Variants in BHLHE41 observed in about 807,000 individuals in gnomAD.
BHLHE41 encodes basic helix-loop-helix family member e41.
In BHLHE41, 14 loss-of-function variants were observed where a neutral mutation model predicts 24.0. The ratio of observed to expected loss-of-function variants is 0.58; its 90% CI spans 0.39 to 0.91. The LOEUF is 0.91. Ranked by LOEUF, BHLHE41 falls within the 40% of genes least tolerant of loss-of-function variation. The pLI, the probability that BHLHE41 is intolerant of heterozygous loss-of-function variation, is 0.00. For missense variants in BHLHE41, 674 were observed against 655.4 expected, an observed-to-expected ratio of 1.03 and a Z score of -0.31; for synonymous variants, 394 against 315.5, an observed-to-expected ratio of 1.25 and a Z score of -2.64.
chr12:26,124,662 A>G (rs1454657920), intron 1 of BHLHE41, 56 bp downstream of exon 1: 5 of 1,613,062 alleles, frequency 3.1e-6, no homozygotes, highest in South Asian at 1.1e-5. Flanking sequence ...TTTCTGGAGA[A>G]GAAAAAAATC....
Position 26,122,316 on chromosome 12 carries a change from G to A in BHLHE41, c.1199C>T (p.Ala400Val). ...PGIPAPAAAA[A>V]AAAAAAAAAA... ...GGCGGCGGCAGCGGCGGCGGCGGCT[G>A]CCGCGGCTGCCGCCGGGGCGGGGAT... is the stretch of plus-strand genomic sequence containing the variant. Residue 400 changes from alanine to valine, a missense_variant, in exon 5 of 5, where the codon GCA becomes GTA. By Grantham distance (64) the Ala-to-Val change is moderately conservative (BLOSUM62 0). Transcript: ENST00000242728. 2 of 1,172,754 alleles carry A rather than the reference G, an allele frequency of 1.7e-6. No homozygotes were observed. The highest frequency in any genetic ancestry group is 3.3e-5 in the African/African-American group (2 of 61,280). 72.6% of individuals were successfully genotyped at this position (1,172,754 alleles called of 1,614,324 possible). A position where few individuals can be genotyped will look rare whatever the true frequency, so the allele number is the denominator to read the frequency against.
rs879725466 is a variant in BHLHE41 at position 26,122,138 on chromosome 12, C to A, written c.1377G>T (p.Gly459=). The change falls in exon 5 of 5, where the codon GGG becomes GGT. Residue 459 remains glycine, a synonymous_variant. Coordinates refer to ENST00000242728, the MANE Select transcript of BHLHE41 (RefSeq NM_030762.3). ...TCTCCGGGTTCCCCGGCTCGCGGGG[C>A]CCGGCGAAGGGCAGGTGGGTGCGGC... ...PHGRTHLPFA[G]PREPGNPESS... 6.5e-7 allele frequency: 1 copy of A among 1,548,732 alleles called. No individual in the cohort carries two copies. Among genetic ancestry groups the A allele is most frequent in the East Asian group, 2.5e-5 (1 of 40,792 alleles).
At chr12:26,123,596 A>C (rs1245017617) in intron 4 of BHLHE41, 34 bp downstream of exon 4, 1 of 1,487,980 alleles carries the variant, frequency 6.7e-7, no homozygotes. Context: ...GCCCCGCTTC[A>C]TCAGGGTAGG....
In BHLHE41 at chr12:26,122,100, TC is replaced by T; in HGVS notation, c.1414del (p.Glu472LysfsTer31). On this transcript the variant is annotated frameshift_variant, in exon 5 of 5. Transcript: ENST00000242728. LOFTEE classifies it high-confidence loss of function. The part of the protein sequence containing the change: ...EPGNPESSAQ[E>X]DPSQPGKEAP ...TTCCTTTCCTGGCTGCGAGGGATCT[TC>T]CTGAGCAGAGCTCTCCGGGTTCCCC... 6.5e-7 allele frequency: 1 copy of T among 1,549,532 alleles called. No individual in the cohort carries two copies. The highest frequency in any genetic ancestry group is 8.7e-7 in the Non-Finnish European group (1 of 1,146,464).
rs752085955 is a variant in BHLHE41 at position 26,123,024 on chromosome 12, T to A, written c.491A>T (p.Asn164Ile). 1 of 1,573,122 alleles carries A rather than the reference T, an allele frequency of 6.4e-7. No homozygotes were observed. Among genetic ancestry groups the A allele is most frequent in the Non-Finnish European group, 8.6e-7 (1 of 1,158,588 alleles). Reference sequence around the variant, plus strand: ...CTGGGTGGCCACGGCGTGCAAGTGGTTGATCAGCTGGACACACCGCGGCTC... The same window carrying A: ...CTGGGTGGCCACGGCGTGCAAGTGGATGATCAGCTGGACACACCGCGGCTC... ...PREPRCVQLI[N>I]HLHAVATQFL... The change falls in exon 5 of 5, where the codon AAC becomes ATC. Residue 164 changes from asparagine to isoleucine, a missense_variant. By Grantham distance (149) the Asn-to-Ile change is moderately radical. This residue lies in a region of BHLHE41 where 602 missense variants were observed against 570.8 expected (regional missense o/e 1.05). Coordinates refer to ENST00000242728, the MANE Select transcript of BHLHE41 (RefSeq NM_030762.3).
At position 26,125,031 on chromosome 12, in the gene BHLHE41, G is replaced by A; in HGVS notation, c.-252C>T. On this transcript the variant is annotated 5_prime_UTR_variant, in exon 1 of 5. Coordinates refer to ENST00000242728, the MANE Select transcript of BHLHE41 (RefSeq NM_030762.3). ...TGGTAGTTTGCTCTCACTCCAGGCAGTGTTTGGCCACAGGGCACGCGCGTC... is the reference window on the plus strand; with the variant it reads ...TGGTAGTTTGCTCTCACTCCAGGCAATGTTTGGCCACAGGGCACGCGCGTC... 1.7e-6 allele frequency: 1 copy of A among 583,784 alleles called. No homozygotes were observed. The highest frequency in any genetic ancestry group is 3.1e-6 in the Non-Finnish European group (1 of 321,992). The allele number at this position is 583,784 out of a possible 1,614,324, so 36.2% of individuals were successfully genotyped here. A position where few individuals can be genotyped will look rare whatever the true frequency, so the allele number is the denominator to read the frequency against.
rs76268917 is a variant in BHLHE41 at position 26,120,384 on chromosome 12, C to T, written c.*1682G>A. The T allele has an allele frequency of 0.04, 6,114 of 152,560 alleles. 177 individuals are homozygous for T. The highest frequency in any genetic ancestry group is 0.11 in the South Asian group (534 of 4,820). The allele number at this position is 152,560 out of a possible 1,614,324, so 9.5% of individuals were successfully genotyped here. A position where few individuals can be genotyped will look rare whatever the true frequency, so the allele number is the denominator to read the frequency against. ...AATATAAAGGTAATTTCTAGTTTATCGTCACATACTAAACTTTTCTAAACC... is the reference window on the plus strand; with the variant it reads ...AATATAAAGGTAATTTCTAGTTTATTGTCACATACTAAACTTTTCTAAACC... On this transcript the variant is annotated 3_prime_UTR_variant, in exon 5 of 5. Transcript: ENST00000242728.
rs1944314647 is a variant in BHLHE41, at chr12:26,122,285, GGCGGCGGCGGCGGCA to G, written c.1215_1229del (p.Ala407_Ala411del). ...ACACCGAGGACAGGCAGGGGAACGC[GGCGGCGGCGGCGGCA>G]GCGGCGGCGGCGGCTGCCGCGGCTG... On this transcript the variant is annotated inframe_deletion, in exon 5 of 5. Transcript: ENST00000242728. 6.1e-5 allele frequency: 71 copies of G among 1,167,598 alleles called. No homozygotes were observed. The highest frequency in any genetic ancestry group is 1.7e-4 in the South Asian group (4 of 23,660). The allele number at this position is 1,167,598 out of a possible 1,614,324, so 72.3% of individuals were successfully genotyped here. A position where few individuals can be genotyped will look rare whatever the true frequency, so the allele number is the denominator to read the frequency against.
chr12:26,123,370 C>G (rs1944332545), intron 4 of BHLHE41, among the ~76,000 whole-genome samples: 1 of 152,174 alleles, frequency 6.6e-6, no homozygotes, highest in Non-Finnish European at 1.5e-5. Context: ...AGGGCGCTCT[C>G]CTCCCAGCTG....
rs1224426736 is a variant in BHLHE41 at position 26,122,502 on chromosome 12, G to T, written c.1013C>A (p.Pro338Gln). ...GGGGGCCGCGGCGGCCGCGGGCTGCGGGAAGGGCGCGCCTCCGCCTCCGCC... is the reference window on the plus strand; with the variant it reads ...GGGGGCCGCGGCGGCCGCGGGCTGCTGGAAGGGCGCGCCTCCGCCTCCGCC... ...AFGGGGGAPF[P>Q]QPAAAAAPFC... Residue 338 changes from proline to glutamine, a missense_variant, in exon 5 of 5, where the codon CCG becomes CAG. Physicochemically the swap from Pro to Gln is moderately conservative, Grantham distance 76. Around this residue, in one of 3 missense-constraint regions of BHLHE41, gnomAD observed 602 missense variants for 570.8 expected, o/e 1.05. Transcript: ENST00000242728. The T allele has an allele frequency of 7.6e-7, 1 of 1,314,464 alleles. No homozygotes were observed. The highest frequency in any genetic ancestry group is 1.8e-5 in the South Asian group (1 of 55,984). 81.4% of individuals were successfully genotyped at this position (1,314,464 alleles called of 1,614,324 possible). A position where few individuals can be genotyped will look rare whatever the true frequency, so the allele number is the denominator to read the frequency against.
At position 26,120,740 on chromosome 12, in the gene BHLHE41, C is replaced by T. The variant is rs1025450077; in HGVS notation, c.*1326G>A. 5 of 152,668 alleles carry T rather than the reference C, an allele frequency of 3.3e-5. No individual in the cohort carries two copies. The highest frequency in any genetic ancestry group is 1.2e-4 in the African/African-American group (5 of 41,456). The allele number at this position is 152,668 out of a possible 1,614,324, so 9.5% of individuals were successfully genotyped here. On this transcript the variant is annotated 3_prime_UTR_variant, in exon 5 of 5. Coordinates refer to ENST00000242728, the MANE Select transcript of BHLHE41 (RefSeq NM_030762.3). ...CGAAAAGACCCAGATATTTTCCTCA[C>T]TCATAGTCAGACTGTTGTGTCTCAC...
intron 4 of BHLHE41, 39 bp downstream of exon 4, chr12:26,123,591 G>A (rs920835334): frequency 6.9e-7 from 1 of 1,448,914 alleles, no homozygotes; most frequent in Non-Finnish European, 9.7e-7. Context: ...GGGCTGCCCC[G>A]CTTCATCAGG....
Position 26,123,722 on chromosome 12 carries a change from T to A in BHLHE41, c.254A>T (p.Lys85Ile). 6.2e-7 allele frequency: 1 copy of A among 1,613,830 alleles called. No individual in the cohort carries two copies. Among genetic ancestry groups the A allele is most frequent in the East Asian group, 2.2e-5 (1 of 44,886 alleles). ...CAAAGTTAATTCCAAGACTACAGCTTTCTCCAGATGTCCCAGAGTCTGCAG... is the reference window on the plus strand; with the variant it reads ...CAAAGTTAATTCCAAGACTACAGCTATCTCCAGATGTCCCAGAGTCTGCAG... ...LKLTTLGHLE[K>I]AVVLELTLKH... is the part of the protein sequence containing the mutation. Residue 85 changes from lysine (K) to isoleucine (I), a missense_variant, in exon 4 of 5, where the codon AAA becomes ATA. By Grantham distance (102) the Lys-to-Ile change is moderately radical. This residue lies in a region of BHLHE41 where 602 missense variants were observed against 570.8 expected (regional missense o/e 1.05). Coordinates refer to ENST00000242728, the MANE Select transcript of BHLHE41 (RefSeq NM_030762.3).
In BHLHE41 at chr12:26,120,688, A is replaced by ACAG. The variant is rs1181931031; in HGVS notation, c.*1375_*1377dup. ...ACAGCGTTTGAGGCAAACAGTAGCA[A>ACAG]CAGCAGCAGCAAATGCACCAAACTG... On this transcript the variant is annotated 3_prime_UTR_variant, in exon 5 of 5. Transcript: ENST00000242728. 1 of 152,652 alleles carries ACAG rather than the reference A, an allele frequency of 6.6e-6. No homozygotes were observed. Among genetic ancestry groups the ACAG allele is most frequent in the Non-Finnish European group, 1.5e-5 (1 of 68,042 alleles). The allele number at this position is 152,652 out of a possible 1,614,324, so 9.5% of individuals were successfully genotyped here.
Position 26,124,965 on chromosome 12 carries a change from C to A in BHLHE41, c.-186G>T. 1 of 635,780 alleles carries A rather than the reference C, an allele frequency of 1.6e-6. No homozygotes were observed. Among genetic ancestry groups the A allele is most frequent in the Non-Finnish European group, 2.9e-6 (1 of 349,084 alleles). 39.4% of individuals were successfully genotyped at this position (635,780 alleles called of 1,614,324 possible). A position where few individuals can be genotyped will look rare whatever the true frequency, so the allele number is the denominator to read the frequency against. ...CCCCCCTCCACCGCGCTCGCACACACACACGCACACACACGCACACTCGCG... is the reference window on the plus strand; with the variant it reads ...CCCCCCTCCACCGCGCTCGCACACAAACACGCACACACACGCACACTCGCG... On this transcript the variant is annotated 5_prime_UTR_variant, in exon 1 of 5. Transcript: ENST00000242728.
chr12:26,123,251 A>C, intron 4 of BHLHE41, 83 bp from the exon 5 acceptor site: 1 of 1,466,106 alleles, frequency 6.8e-7, no homozygotes, highest in South Asian at 1.4e-5. Flanking sequence ...TCTGCTTATC[A>C]CGTGGGCCCT....
At chr12:26,124,373 G>A (rs770301792) in intron 2 of BHLHE41, 146 bp downstream of exon 2, 1 of 930,970 alleles carries the variant, frequency 1.1e-6, no homozygotes, top group Admixed American at 1.9e-5. Flanking sequence ...ATATCCCCCT[G>A]AGAGTACCCA....
Position 26,122,627 on chromosome 12 carries a change from G to A in BHLHE41, c.888C>T (p.Gly296=), listed in dbSNP as rs1944321525. 2 of 1,211,564 alleles carry A rather than the reference G, an allele frequency of 1.7e-6. No homozygotes were observed. Among genetic ancestry groups the A allele is most frequent in the South Asian group, 3.8e-5 (1 of 26,618 alleles). The allele number at this position is 1,211,564 out of a possible 1,614,324, so 75.1% of individuals were successfully genotyped here. A position where few individuals can be genotyped will look rare whatever the true frequency, so the allele number is the denominator to read the frequency against. ...GGGSGGGPGG[G]AAAAAAALLG... is the part of the protein sequence containing the mutation. ...GAAGCGCGGCTGCCGCCGCCGCCGCGCCGCCCCCCGGGCCGCCGCCGCTGC... is the reference window on the plus strand; with the variant it reads ...GAAGCGCGGCTGCCGCCGCCGCCGCACCGCCCCCCGGGCCGCCGCCGCTGC... Residue 296 remains glycine (G), a synonymous_variant, in exon 5 of 5, where the codon GGC becomes GGT. Transcript: ENST00000242728.
In BHLHE41 at chr12:26,122,891, C is replaced by A. The variant is rs958397913; in HGVS notation, c.624G>T (p.Gly208=). The A allele has an allele frequency of 6.4e-7, 1 of 1,551,256 alleles. No individual in the cohort carries two copies. The highest frequency in any genetic ancestry group is 8.7e-7 in the Non-Finnish European group (1 of 1,147,746). Residue 208 remains glycine (G), a synonymous_variant, in exon 5 of 5, where the codon GGG becomes GGT. Transcript: ENST00000242728. ...AGTAGGCGAGGGGCTCCAGCTTCTG[C>A]CCCGCGCGCTCCAGGCAGGGGGCGG... ...SAAAPCLERA[G]QKLEPLAYCV...
Sources: allele counts gnomAD v4.1 joint callset (sites outside exome capture counted in the v4.1 genomes callset), GRCh38; gene constraint gnomAD v4.1.1; regional missense constraint gnomAD v4.1.1; transcripts MANE v1.5; gene names NCBI Gene and HGNC (gene_info 2026-07-23, HGNC 2026-07-21).